Variants in SYNE2 observed in about 807,000 individuals in gnomAD.
The protein encoded by SYNE2 is nesprin-2.
SYNE2 carries 431 observed loss-of-function variants against 856.3 expected under a neutral mutation model. That is an observed-to-expected ratio of 0.50 (90% CI 0.47 to 0.55). SYNE2 has a LOEUF of 0.55. Ranked by LOEUF, SYNE2 falls within the 20% of genes least tolerant of loss-of-function variation. The pLI is 0.00. For synonymous variants in SYNE2, 2,923 were observed against 2,872.3 expected, an observed-to-expected ratio of 1.02 and a Z score of -0.56; for missense variants, 8,129 against 8,023.2, an observed-to-expected ratio of 1.01 and a Z score of -0.50.
Position 64,051,970 on chromosome 14 carries a change from C to A in SYNE2, c.8057C>A (p.Ala2686Asp). ...KHGFSVLKGQ[A>D]ELQMKRIWGE... is the part of the protein sequence containing the mutation. ...GGATTTTCTGTTTTAAAGGGGCAAG[C>A]TGAACTTCAGATGAAGAGGATTTGG... The change falls in exon 48 of 116, where the codon GCT becomes GAT. Residue 2686 changes from alanine (A) to aspartate (D), a missense_variant. By Grantham distance (126) the Ala-to-Asp change is moderately radical (BLOSUM62 -2). Transcript: ENST00000555002. 1 of 1,613,758 alleles carries A rather than the reference C, an allele frequency of 6.2e-7. No homozygotes were observed. The highest frequency in any genetic ancestry group is 1.1e-5 in the South Asian group (1 of 91,064).
rs1476420362 is a variant in SYNE2, at chr14:64,009,425, A to T, written c.4578-541A>T. 2.0e-5 allele frequency among the ~76,000 whole-genome samples: 3 copies of T among 151,150 alleles called. No individual in the cohort carries two copies. In the East Asian group the frequency reaches 5.8e-4, roughly 29 times the overall value. On this transcript the variant is annotated intron_variant, in intron 31 of 115. Transcript: ENST00000555002. ...GTGGCACTTGCCTGTAATCCTAGCTACTTGGGAGGCTGAAGCAGGAGAATT... is the reference window on the plus strand; with the variant it reads ...GTGGCACTTGCCTGTAATCCTAGCTTCTTGGGAGGCTGAAGCAGGAGAATT...
chr14:64,002,111 A>G (rs1226284117), intron 29 of SYNE2, 30 bp downstream of exon 29: 2 of 1,540,068 alleles, frequency 1.3e-6, no homozygotes, highest in African/African-American at 1.4e-5. Flanking sequence ...CAGTGTATTT[A>G]CAGAATAATC....
intron 2 of SYNE2, among the ~76,000 whole-genome samples, chr14:63,927,073 A>G (rs2095677279): frequency 6.6e-6 from 1 of 152,184 alleles, no homozygotes; most frequent in South Asian, 2.1e-4. Context: ...CTGAGGCTAG[A>G]GAGGTGCTCT....
At chr14:64,225,153 T>G (rs2098713336) in intron 115 of SYNE2, 108 bp downstream of exon 115, 2 of 1,552,964 alleles carry the variant, frequency 1.3e-6, no homozygotes. Context: ...TGGTTTTCTT[T>G]TGTCTGGAAA....
chr14:63,857,640 T>C (rs1892190264), intron 1 of SYNE2, among the ~76,000 whole-genome samples: 1 of 152,154 alleles, frequency 6.6e-6, no homozygotes, highest in African/African-American at 2.4e-5. Context: ...GTGGTTAGGC[T>C]TTTATAGCCA....
intron 66 of SYNE2, among the ~76,000 whole-genome samples, chr14:64,117,035 T>A (rs927753425): frequency 1.3e-5 from 2 of 152,208 alleles, no homozygotes; most frequent in African/African-American, 2.4e-5. Flanking sequence ...AGTAGAGTAG[T>A]CCCACCTTTG....
intron 30 of SYNE2, among the ~76,000 whole-genome samples, chr14:64,003,575 A>G (rs1245391216): frequency 6.6e-6 from 1 of 152,184 alleles, no homozygotes; most frequent in Non-Finnish European, 1.5e-5. Flanking sequence ...AGGAGTGGTG[A>G]AGTCAGATGT....
chr14:63,831,093 G>A (rs751924583), intron 1 of SYNE2, among the ~76,000 whole-genome samples: 3 of 151,938 alleles, frequency 2.0e-5, no homozygotes, highest in African/African-American at 4.8e-5. Context: ...CACCCGCTTC[G>A]GCCTCCTAAA....
At chr14:64,215,625 A>C in intron 107 of SYNE2, 1 of 533,170 alleles carries the variant, frequency 1.9e-6, no homozygotes, top group Non-Finnish European at 3.3e-6. Context: ...TGTTTTGATG[A>C]TTTTTTTCTC....
At chr14:64,013,082 G>A (rs1055157644) in intron 32 of SYNE2, among the ~76,000 whole-genome samples, 3 of 152,142 alleles carry the variant, frequency 2.0e-5, no homozygotes, top group East Asian at 1.9e-4. Flanking sequence ...ATCAAAGTGG[G>A]CCTAGTTCCC....
At chr14:63,933,302 AC>A (rs1719643223) in intron 2 of SYNE2, among the ~76,000 whole-genome samples, 1 of 152,150 alleles carries the variant, frequency 6.6e-6, no homozygotes, top group African/African-American at 2.4e-5. Flanking sequence ...AGCATTTTAA[AC>A]CAACTTTTGG....
At chr14:63,895,397 C>T (rs1039400995) in intron 1 of SYNE2, among the ~76,000 whole-genome samples, 4 of 151,726 alleles carry the variant, frequency 2.6e-5, no homozygotes, top group Non-Finnish European at 5.9e-5. Flanking sequence ...GCGTGAGCCA[C>T]TGCACCTGGC....
chr14:64,141,292 T>A (rs1414201899), intron 80 of SYNE2, 49 bp from the exon 81 acceptor site: 1 of 1,492,978 alleles, frequency 6.7e-7, no homozygotes, highest in Non-Finnish European at 9.2e-7. Flanking sequence ...ACTCTTACTT[T>A]CTGCTATATT....
chr14:64,224,720 G>T (rs2098710542), intron 114 of SYNE2, among the ~76,000 whole-genome samples, 173 bp downstream of exon 114: 1 of 152,170 alleles, frequency 6.6e-6, no homozygotes, highest in Non-Finnish European at 1.5e-5. Context: ...TGGGATCACA[G>T]TAGGTTGTGA....
chr14:64,117,556 C>T (rs910042141), intron 66 of SYNE2, among the ~76,000 whole-genome samples: 1 of 152,118 alleles, frequency 6.6e-6, no homozygotes, highest in Non-Finnish European at 1.5e-5. Flanking sequence ...CTCAGCCTCC[C>T]GAAGTGCTGG....
chr14:64,030,015 C>G lies in SYNE2; in HGVS notation c.6835C>G (p.Pro2279Ala), dbSNP rs771401558. 6 of 1,613,838 alleles carry G rather than the reference C, an allele frequency of 3.7e-6. No homozygotes were observed. The highest frequency in any genetic ancestry group is 3.3e-5 in the South Asian group (3 of 91,076). The change falls in exon 44 of 116, where the codon CCT becomes GCT. Residue 2279 changes from proline to alanine, a missense_variant. By Grantham distance (27) the Pro-to-Ala change is conservative (BLOSUM62 -1). Transcript: ENST00000555002. ...GGAATTTGTCAGTTTTTCTGATAAG[C>G]CTGTGGATCAAATAGCGGTTGAGGA... ...SKEFVSFSDK[P>A]VDQIAVEEKL...
chr14:64,025,426 A>G lies in SYNE2; in HGVS notation c.6252+5A>G. 3 of 1,609,818 alleles carry G rather than the reference A, an allele frequency of 1.9e-6. No individual in the cohort carries two copies. The highest frequency in any genetic ancestry group is 4.5e-5 in the East Asian group (2 of 44,836). Reference sequence around the variant, plus strand: ...GAAAGAATCCAAAAAATCAAGGTATAACTATGGAAACTAAATTTCAGAAGT... The same window carrying G: ...GAAAGAATCCAAAAAATCAAGGTATGACTATGGAAACTAAATTTCAGAAGT... On this transcript the variant is annotated splice_donor_5th_base_variant and intron_variant, in intron 41 of 115. Transcript: ENST00000555002.
At chr14:64,194,379 A>G (rs1210999248) in intron 99 of SYNE2, among the ~76,000 whole-genome samples, 1 of 151,686 alleles carries the variant, frequency 6.6e-6, no homozygotes, top group Admixed American at 6.6e-5. Flanking sequence ...TGCAGCCTCT[A>G]CCTTTCAGGC....
At position 64,200,242 on chromosome 14, in the gene SYNE2, A is replaced by G. The variant is rs75413445; in HGVS notation, c.18039-2559A>G. ...AAGAGGCTGAGATTCTTAGGGTGGAATAGGGTCAGGGGCTAGATGAAGGCC... is the reference window on the plus strand; with the variant it reads ...AAGAGGCTGAGATTCTTAGGGTGGAGTAGGGTCAGGGGCTAGATGAAGGCC... On this transcript the variant is annotated intron_variant, in intron 99 of 115. Coordinates refer to ENST00000555002, the MANE Select transcript of SYNE2 (RefSeq NM_182914.3). Among the ~76,000 whole-genome samples the G allele has an allele frequency of 2.2e-3, 330 of 152,296 alleles. 6 individuals are homozygous for G. Among genetic ancestry groups the G allele is most frequent in the East Asian group, 0.019 (101 of 5,190 alleles).
Sources: gnomAD v4.1 joint callset for allele counts (sites outside exome capture counted in the v4.1 genomes callset) on GRCh38, gnomAD v4.1.1 for gene constraint, MANE v1.5 for transcripts, NCBI Gene and HGNC (gene_info 2026-07-23, HGNC 2026-07-21) for gene names.